CLTCL1: variants seen among roughly 807,000 people sequenced by gnomAD.
CLTCL1 encodes clathrin heavy chain 2.
Under a neutral mutation model 190.0 loss-of-function variants are expected in CLTCL1, and 159 were observed. That is an observed-to-expected ratio of 0.84 (90% CI 0.74 to 0.95). The LOEUF (loss-of-function observed/expected upper bound fraction) is 0.95, where lower values mean the gene tolerates loss of function less well. Ranked by LOEUF, CLTCL1 falls within the 40% of genes least tolerant of loss-of-function variation. The pLI is 0.00. For synonymous variants in CLTCL1, 752 were observed against 769.6 expected (o/e 0.98, Z 0.38); for missense variants, 1,878 against 2,033.4 (o/e 0.92, Z 1.47).
chr22:19,255,909 CAAA>C (rs545204392), intron 2 of CLTCL1, among the ~76,000 whole-genome samples: 6 of 72,548 alleles, frequency 8.3e-5, no homozygotes, highest in Admixed American at 1.5e-4. Flanking sequence ...GACTCTGTCT[CAAA>C]AAAAAAAAAA....
Position 19,242,868 on chromosome 22 carries a change from G to A in CLTCL1, c.588C>T (p.Gly196=). 6.2e-7 allele frequency: 1 copy of A among 1,613,958 alleles called. No homozygotes were observed. The highest frequency in any genetic ancestry group is 8.5e-7 in the Non-Finnish European group (1 of 1,179,864). ...VDRKVSQPIE[G]HAAAFAEFKM... ...TGAACTCTGCAAAAGCCGCAGCATG[G>A]CCTTCTATGGGTTGTGAAACCTTCC... is the stretch of plus-strand genomic sequence containing the variant. The change falls in exon 4 of 33, where the codon GGC becomes GGT. Residue 196 remains glycine, a synonymous_variant. Coordinates refer to ENST00000427926, the MANE Select transcript of CLTCL1 (RefSeq NM_007098.4).
intron 17 of CLTCL1, 39 bp downstream of exon 17, chr22:19,221,338 C>T: frequency 6.8e-7 from 1 of 1,478,300 alleles, no homozygotes; most frequent in African/African-American, 1.4e-5. Flanking sequence ...CCCTGGGAGC[C>T]CAGGGTTACA....
chr22:19,239,104 CA>C (rs1180300716), intron 5 of CLTCL1, among the ~76,000 whole-genome samples, 170 bp downstream of exon 5: 1 of 152,162 alleles, frequency 6.6e-6, no homozygotes, highest in Non-Finnish European at 1.5e-5. Flanking sequence ...TTTCTACGAA[CA>C]GGGCTTTCCC....
chr22:19,267,641 C>A (rs1435944805), intron 2 of CLTCL1, among the ~76,000 whole-genome samples: 2 of 152,140 alleles, frequency 1.3e-5, no homozygotes, highest in Non-Finnish European at 2.9e-5. Flanking sequence ...CACCTGTAAT[C>A]CCAATACTTT....
rs782630103 is a variant in CLTCL1, at chr22:19,209,106, G to C, written c.3258C>G (p.Ile1086Met). Residue 1086 changes from isoleucine (I) to methionine (M), a missense_variant, in exon 21 of 33, where the codon ATC (isoleucine) becomes ATG (methionine). Ile to Met is a conservative substitution (Grantham distance 10, BLOSUM62 1). Transcript: ENST00000427926. The part of the protein sequence containing the change: ...DMNASAIQVL[I>M]EHIGNLDRAY... ...CCCGGTCCAGGTTTCCAATGTGCTC[G>C]ATCAGGACCTAGGGGTTATGAGAGG... 1.2e-6 allele frequency: 2 copies of C among 1,601,080 alleles called. No homozygotes were observed. The highest frequency in any genetic ancestry group is 1.7e-6 in the Non-Finnish European group (2 of 1,173,250).
chr22:19,187,937 G>A, intron 28 of CLTCL1, 44 bp downstream of exon 28: 1 of 1,572,890 alleles, frequency 6.4e-7, no homozygotes, highest in Non-Finnish European at 8.7e-7. Context: ...TTGCAGGGGA[G>A]GAGCCCAGCC....
intron 1 of CLTCL1, among the ~76,000 whole-genome samples, chr22:19,291,273 G>A (rs889949306): frequency 3.9e-5 from 6 of 152,186 alleles, no homozygotes; most frequent in African/African-American, 1.2e-4. Context: ...GGATCCGCGC[G>A]GCCCTTGGGT....
chr22:19,225,365 G>T, intron 13 of CLTCL1, 88 bp downstream of exon 13: 1 of 1,377,618 alleles, frequency 7.3e-7, no homozygotes. Flanking sequence ...TTGCAGGAAG[G>T]CCGTCTTAAG....
Position 19,212,287 on chromosome 22 carries a change from T to C in CLTCL1, c.3066-1778A>G, listed in dbSNP as rs1353022827. Among the ~76,000 whole-genome samples the C allele has an allele frequency of 1.3e-5, 2 of 151,686 alleles. 1 individual carries two copies. Among genetic ancestry groups the C allele is most frequent in the East Asian group, 3.9e-4 (2 of 5,164 alleles). The stretch of plus-strand genomic sequence containing the variant: ...AAAAGAATAAAGTTGAGCCCAGGTA[T>C]AGTGGCTGACACCTGTAATCCCAGC... On this transcript the variant is annotated intron_variant, in intron 19 of 32. Transcript: ENST00000427926.
intron 27 of CLTCL1, among the ~76,000 whole-genome samples, chr22:19,190,472 G>A (rs2084455677): frequency 1.3e-5 from 2 of 151,888 alleles, no homozygotes; most frequent in Non-Finnish European, 2.9e-5. Context: ...ACTGGCTCAA[G>A]CCTATAATCC....
intron 26 of CLTCL1, among the ~76,000 whole-genome samples, chr22:19,194,677 C>G (rs1235757594): frequency 2.0e-5 from 3 of 152,172 alleles, no homozygotes; most frequent in Non-Finnish European, 4.4e-5. Context: ...ACGAGGTTCA[C>G]AGCGGTGACA....
chr22:19,207,620 G>T, intron 22 of CLTCL1: 1 of 418,298 alleles, frequency 2.4e-6, no homozygotes, highest in South Asian at 1.0e-4. Flanking sequence ...GGCCTGTTAG[G>T]AATCACGCCC....
intron 18 of CLTCL1, among the ~76,000 whole-genome samples, chr22:19,217,541 G>A (rs1292946295): frequency 2.0e-5 from 3 of 149,608 alleles, no homozygotes; most frequent in Non-Finnish European, 3.0e-5. Flanking sequence ...GCGGGAACCC[G>A]GAAGGCGGAG....
intron 16 of CLTCL1, 32 bp downstream of exon 16, chr22:19,221,919 G>C: frequency 6.2e-7 from 1 of 1,610,460 alleles, no homozygotes; most frequent in African/African-American, 1.3e-5. Context: ...GAATCCAGGG[G>C]TAAGAGAAAA....
chr22:19,283,946 T>A (rs1436935115), intron 1 of CLTCL1, among the ~76,000 whole-genome samples: 2 of 149,504 alleles, frequency 1.3e-5, no homozygotes, highest in African/African-American at 5.0e-5. Flanking sequence ...GAGCCAAGAT[T>A]GTGCCACTGC....
chr22:19,243,053 TA>T, intron 3 of CLTCL1, 117 bp from the exon 4 acceptor site: 1 of 973,736 alleles, frequency 1.0e-6, no homozygotes, highest in Non-Finnish European at 1.5e-6. Context: ...CTTCCTCTAG[TA>T]AAAATTAAAT....
At chr22:19,258,479 G>T (rs5748076) in intron 2 of CLTCL1, 6,746 of 461,194 alleles carry the variant, frequency 0.015, 178 homozygotes, top group East Asian at 0.078. Context: ...TCAGCTTGGA[G>T]AACAGCCTAA....
At position 19,242,780 on chromosome 22, in the gene CLTCL1, C is replaced by T; in HGVS notation, c.676G>A (p.Gly226Ser). ...FCFAVRNPTG[G>S]KLHIIEVGQP... The stretch of plus-strand genomic sequence containing the variant: ...GACAGTAGAGTGGATCTTACCTTGC[C>T]TCCTGTGGGATTACGTACAGCAAAG... The change falls in exon 4 of 33, where the codon GGC becomes AGC. Residue 226 changes from glycine (G) to serine (S), a missense_variant. Coordinates refer to ENST00000427926, the MANE Select transcript of CLTCL1 (RefSeq NM_007098.4). 2 of 1,613,954 alleles carry T rather than the reference C, an allele frequency of 1.2e-6. No homozygotes were observed. Among genetic ancestry groups the T allele is most frequent in the Non-Finnish European group, 1.7e-6 (2 of 1,179,882 alleles).
At chr22:19,271,592 A>G (rs1251643845) in intron 2 of CLTCL1, among the ~76,000 whole-genome samples, 4 of 152,174 alleles carry the variant, frequency 2.6e-5, no homozygotes, top group Non-Finnish European at 5.9e-5. Context: ...TATATAGCCT[A>G]TGGAACTGTG....
Sources: gnomAD v4.1 joint callset for allele counts (sites outside exome capture counted in the v4.1 genomes callset) on GRCh38, gnomAD v4.1.1 for gene constraint, MANE v1.5 for transcripts, NCBI Gene and HGNC (gene_info 2026-07-23, HGNC 2026-07-21) for gene names.